JAG2: variants seen among roughly 807,000 people sequenced by gnomAD.
The protein encoded by JAG2 is protein jagged-2.
A neutral mutation model predicts 141.7 loss-of-function variants in JAG2; 46 were observed. The ratio of observed to expected loss-of-function variants is 0.32; its 90% CI spans 0.26 to 0.42. The LOEUF (loss-of-function observed/expected upper bound fraction) is 0.42. Among genes scored for constraint, JAG2 ranks in the 10% least tolerant of loss-of-function variants. The probability of loss-of-function intolerance (pLI) is 1.00; values close to 1 mark genes in which losing one functional copy is unlikely to be tolerated. For synonymous variants in JAG2, 862 were observed against 763.5 expected (o/e 1.13, Z -2.13); for missense variants, 1,500 against 1,817.5 (o/e 0.83, Z 3.18).
At position 105,167,621 on chromosome 14, in the gene JAG2, T is replaced by C. The variant is rs1888958783; in HGVS notation, c.417+136A>G. The C allele has an allele frequency of 9.5e-7, 1 of 1,050,434 alleles. No homozygotes were observed. The highest frequency in any genetic ancestry group is 1.2e-6 in the Non-Finnish European group (1 of 847,046). 65.1% of individuals were successfully genotyped at this position (1,050,434 alleles called of 1,614,324 possible). On this transcript the variant is annotated intron_variant, in intron 2 of 25. Coordinates refer to ENST00000331782, the MANE Select transcript of JAG2 (RefSeq NM_002226.5). The surrounding 1 kb of genome is among the most constrained non-coding windows in gnomAD (Gnocchi z 4.8). ...CCAAGTCCCCAGAGCACGCGCCCCC[T>C]GCCGGCCCCGCCCCGCCTGGGCGCG...
rs776143085 is a variant in JAG2, at chr14:105,143,006, T to C, written c.3406A>G (p.Asn1136Asp). 1 of 1,607,400 alleles carries C rather than the reference T, an allele frequency of 6.2e-7. No homozygotes were observed. The highest frequency in any genetic ancestry group is 8.5e-7 in the Non-Finnish European group (1 of 1,179,338). The change falls in exon 26 of 26, where the codon AAC becomes GAC. Residue 1136 changes from asparagine (N) to aspartate (D), a missense_variant. Coordinates refer to ENST00000331782, the MANE Select transcript of JAG2 (RefSeq NM_002226.5). Reference sequence around the variant, plus strand: ...TGGCCCCCCGGCCGCTCAATGGGGTTGCGGATGGGGTTGAGCGGGGCCCAC... The same window carrying C: ...TGGCCCCCCGGCCGCTCAATGGGGTCGCGGATGGGGTTGAGCGGGGCCCAC... ...NQWAPLNPIR[N>D]PIERPGGHKD...
intron 1 of JAG2, 50 bp downstream of exon 1, chr14:105,168,305 G>C: frequency 1.4e-6 from 1 of 689,770 alleles, no homozygotes; most frequent in Non-Finnish European, 1.8e-6. Context: ...CCTAGGGGCG[G>C]CCCGGTGTGC....
Position 105,147,413 on chromosome 14 carries a change from TGCAGA to T in JAG2, c.2394-7_2394-3del. 3 of 1,610,502 alleles carry T rather than the reference TGCAGA, an allele frequency of 1.9e-6. No individual in the cohort carries two copies. The highest frequency in any genetic ancestry group is 2.5e-6 in the Non-Finnish European group (3 of 1,178,990). The stretch of plus-strand genomic sequence containing the variant: ...TCAACACAGATGCCACCATTGTAGC[TGCAGA>T]GCAGAGGGTGGGCATCAGGTGGCCC... On this transcript the variant is annotated splice_polypyrimidine_tract_variant and splice_region_variant and intron_variant, in intron 19 of 25. Transcript: ENST00000331782.
rs761330004 is a variant in JAG2 at position 105,150,827 on chromosome 14, C to T, written c.1428+38G>A. The T allele has an allele frequency of 5.1e-6, 8 of 1,572,856 alleles. No individual in the cohort carries two copies. In the Admixed American group the frequency reaches 1.5e-4, roughly 29 times the overall value. On this transcript the variant is annotated intron_variant, in intron 11 of 25. Transcript: ENST00000331782. ...TCCCGCAGGCACCCTGACGGCCCCG[C>T]AGCACCCACGCCACACACCCTCCTG...
chr14:105,165,830 A>T (rs1888892140), intron 2 of JAG2, among the ~76,000 whole-genome samples: 1 of 152,238 alleles, frequency 6.6e-6, no homozygotes, highest in Non-Finnish European at 1.5e-5. Flanking sequence ...ACCCCTCCTC[A>T]GGTCCCAGGG....
At chr14:105,157,033 C>G (rs1345685268) in intron 3 of JAG2, among the ~76,000 whole-genome samples, 1 of 152,124 alleles carries the variant, frequency 6.6e-6, no homozygotes, top group Non-Finnish European at 1.5e-5. Flanking sequence ...TTCTGAGAGC[C>G]CCTCTCACCC....
In JAG2 at chr14:105,152,169, CAG is replaced by C; in HGVS notation, c.909_910del (p.Cys304Ter). On this transcript the variant is annotated frameshift_variant, in exon 6 of 26. Coordinates refer to ENST00000331782, the MANE Select transcript of JAG2 (RefSeq NM_002226.5). LOFTEE classifies it high-confidence loss of function. ...CCGCCCCCTACCACTACCTTTGTCACAGAGCAGGCCGCCCCAGTTGGTCTCAC... is the reference window on the plus strand; with the variant it reads ...CCGCCCCCTACCACTACCTTTGTCACAGCAGGCCGCCCCAGTTGGTCTCAC... 6.2e-7 allele frequency: 1 copy of C among 1,613,772 alleles called. No homozygotes were observed. The highest frequency in any genetic ancestry group is 8.5e-7 in the Non-Finnish European group (1 of 1,180,012).
chr14:105,146,185 G>T (rs957888137), intron 22 of JAG2, among the ~76,000 whole-genome samples, 200 bp downstream of exon 22: 1 of 152,194 alleles, frequency 6.6e-6, no homozygotes, highest in Non-Finnish European at 1.5e-5. Flanking sequence ...GAGCAAGGCA[G>T]GACCCAGACC....
chr14:105,156,236 GGCTAGGGGCTAGGGGCCCT>G (rs1160037958), intron 3 of JAG2, among the ~76,000 whole-genome samples: 1 of 152,142 alleles, frequency 6.6e-6, no homozygotes, highest in Non-Finnish European at 1.5e-5. Flanking sequence ...CGGGGGGCCC[GGCTAGGGGCTAGGGGCCCT>G]GCAGGGAGGG....
chr14:105,152,394 G>A lies in JAG2; in HGVS notation c.789-103C>T, dbSNP rs1286431196. The A allele has an allele frequency of 2.2e-6, 3 of 1,374,656 alleles. No individual in the cohort carries two copies. The African/African-American group carries it at 4.3e-5, about 20-fold the overall frequency. The allele number at this position is 1,374,656 out of a possible 1,614,324, so 85.2% of individuals were successfully genotyped here. On this transcript the variant is annotated intron_variant, in intron 5 of 25. Coordinates refer to ENST00000331782, the MANE Select transcript of JAG2 (RefSeq NM_002226.5). ...CCCACGCCACACCCAGGGCCGGCGGGCGGCCTCAGGCCTTTGAACTGGAGC... is the reference window on the plus strand; with the variant it reads ...CCCACGCCACACCCAGGGCCGGCGGACGGCCTCAGGCCTTTGAACTGGAGC...
chr14:105,168,385 C>CAG lies in JAG2; in HGVS notation c.35_36insCT (p.Leu13CysfsTer23). ...CCCAGAGCGCCAGCAGCAGCAGCAGCCGCCGGGGAAGGCGCCCCCGGCCCT... is the reference window on the plus strand; with the variant it reads ...CCCAGAGCGCCAGCAGCAGCAGCAGCAGCGCCGGGGAAGGCGCCCCCGGCCCT... On this transcript the variant is annotated frameshift_variant, in exon 1 of 26. Coordinates refer to ENST00000331782, the MANE Select transcript of JAG2 (RefSeq NM_002226.5). LOFTEE classifies it high-confidence loss of function. 1 of 1,034,080 alleles carries CAG rather than the reference C, an allele frequency of 9.7e-7. No individual in the cohort carries two copies. Among genetic ancestry groups the CAG allele is most frequent in the Non-Finnish European group, 1.2e-6 (1 of 842,124 alleles). 64.1% of individuals were successfully genotyped at this position (1,034,080 alleles called of 1,614,324 possible).
chr14:105,150,943 G>A, intron 10 of JAG2, 32 bp from the exon 11 acceptor site: 1 of 1,595,148 alleles, frequency 6.3e-7, no homozygotes, highest in Middle Eastern at 1.7e-4. Context: ...CAGAGGCGGG[G>A]TCCCATGTGC....
In JAG2 at chr14:105,142,615, C is replaced by A; in HGVS notation, c.*80G>T. On this transcript the variant is annotated 3_prime_UTR_variant, in exon 26 of 26. Coordinates refer to ENST00000331782, the MANE Select transcript of JAG2 (RefSeq NM_002226.5). ...TTACACAAAATAAAGAAACTATGCA[C>A]ATGGCCTCGGCCTCCGGGTCCGGCA... is the stretch of plus-strand genomic sequence containing the variant. 1 of 1,034,000 alleles carries A rather than the reference C, an allele frequency of 9.7e-7. No individual in the cohort carries two copies. Among genetic ancestry groups the A allele is most frequent in the African/African-American group, 1.6e-5 (1 of 61,732 alleles). 64.1% of individuals were successfully genotyped at this position (1,034,000 alleles called of 1,614,324 possible). A position where few individuals can be genotyped will look rare whatever the true frequency, so the allele number is the denominator to read the frequency against.
chr14:105,168,019 C>T lies in JAG2; in HGVS notation c.155G>A (p.Gly52Asp). ...GELLSGACCD[G>D]DGRTTRAGGC... ...CCCCGCGCGCGTTGTCCGGCCGTCG[C>T]CGTCACAGCAGGCGCCGCTCAGCAG... Residue 52 changes from glycine to aspartate, a missense_variant, in exon 2 of 26, where the codon GGC becomes GAC. This residue lies in a region of JAG2 where 200 missense variants were observed against 174.3 expected (regional missense o/e 1.15). Transcript: ENST00000331782. The T allele has an allele frequency of 1.3e-6, 2 of 1,598,304 alleles. No individual in the cohort carries two copies. Among genetic ancestry groups the T allele is most frequent in the East Asian group, 2.3e-5 (1 of 44,398 alleles).
At chr14:105,152,589 C>T (rs111617030) in intron 5 of JAG2, among the ~76,000 whole-genome samples, 1 of 152,134 alleles carries the variant, frequency 6.6e-6, no homozygotes, top group South Asian at 2.1e-4. Flanking sequence ...GAAAGGAAGG[C>T]CCTGCCGGGA....
At position 105,146,705 on chromosome 14, in the gene JAG2, G is replaced by A. The variant is rs774086392; in HGVS notation, c.2499C>T (p.Ser833=). ...DCRINIDECQ[S]SPCAYGATCV... ...ACGTGGCCCCGTAGGCACAGGGCGA[G>A]GACTGGCACTCGTCGATGTCTGCAG... The change falls in exon 21 of 26, where the codon TCC becomes TCT. Residue 833 remains serine, a synonymous_variant. Transcript: ENST00000331782. 6 of 1,612,460 alleles carry A rather than the reference G, an allele frequency of 3.7e-6. No homozygotes were observed. Among genetic ancestry groups the A allele is most frequent in the Non-Finnish European group, 4.2e-6 (5 of 1,179,684 alleles).
At position 105,168,618 on chromosome 14, in the gene JAG2, G is replaced by A. The variant is rs917330127; in HGVS notation, c.-198C>T. On this transcript the variant is annotated 5_prime_UTR_variant, in exon 1 of 26. Transcript: ENST00000331782. The stretch of plus-strand genomic sequence containing the variant: ...GCGGGCCTGGGCGGCGGGCGTGCAG[G>A]GGCGGCGGCAGCTCCGGCTCGCTGG... 3 of 146,328 alleles carry A rather than the reference G, an allele frequency of 2.1e-5. No individual in the cohort carries two copies. Among genetic ancestry groups the A allele is most frequent in the African/African-American group, 7.4e-5 (3 of 40,716 alleles). The allele number at this position is 146,328 out of a possible 1,614,324, so 9.1% of individuals were successfully genotyped here.
At chr14:105,161,748 C>T (rs776565311) in intron 2 of JAG2, among the ~76,000 whole-genome samples, 26 of 152,158 alleles carry the variant, frequency 1.7e-4, no homozygotes, top group Non-Finnish European at 3.2e-4. Flanking sequence ...AACCTCTCAC[C>T]CCCGTCCTTC....
chr14:105,166,412 C>T (rs1025192589), intron 2 of JAG2, among the ~76,000 whole-genome samples: 4 of 152,252 alleles, frequency 2.6e-5, no homozygotes, highest in Non-Finnish European at 5.9e-5. Context: ...GCTGCACCGC[C>T]GTGGGGGCGA....
Sources: gnomAD v4.1 joint callset for allele counts (sites outside exome capture counted in the v4.1 genomes callset) on GRCh38, gnomAD v4.1.1 for gene constraint, gnomAD v4.1.1 regional missense constraint, Gnocchi (gnomAD v3.1) non-coding constraint, MANE v1.5 for transcripts, NCBI Gene and HGNC (gene_info 2026-07-23, HGNC 2026-07-21) for gene names.